The following HDGFL2 variants were observed in gnomAD, a reference collection of about 807,000 sequenced individuals.
The protein encoded by HDGFL2 is HDGF like 2.
In HDGFL2, 36 loss-of-function variants were observed where a neutral mutation model predicts 77.1. The observed-to-expected ratio is 0.47, with a 90% confidence interval of 0.36 to 0.62. The LOEUF is 0.62. Among genes scored for constraint, HDGFL2 ranks in the 20% least tolerant of loss-of-function variants. The pLI is 0.00. For missense variants in HDGFL2, 976 were observed against 973.4 expected (o/e 1.00, Z -0.04); for synonymous variants, 463 against 413.1 (o/e 1.12, Z -1.46).
chr19:4,493,707 C>T lies in HDGFL2; in HGVS notation c.683C>T (p.Ala228Val), dbSNP rs762888839. 1.4e-6 allele frequency: 2 copies of T among 1,464,458 alleles called. No homozygotes were observed. The highest frequency in any genetic ancestry group is 1.8e-6 in the Non-Finnish European group (2 of 1,102,234). 90.7% of individuals were successfully genotyped at this position (1,464,458 alleles called of 1,614,324 possible). Residue 228 changes from alanine (A) to valine (V), a missense_variant, in exon 7 of 16, where the codon GCG becomes GTG. Coordinates refer to ENST00000616600, the MANE Select transcript of HDGFL2 (RefSeq NM_001001520.3). The part of the protein sequence containing the change: ...GPLGGRKKKK[A>V]PSASDSDSKA... Reference sequence around the variant, plus strand: ...CCTGTCCCTGCTTCTCCCCAGAAGGCGCCATCAGCCTCCGACTCCGACTCC... The same window carrying T: ...CCTGTCCCTGCTTCTCCCCAGAAGGTGCCATCAGCCTCCGACTCCGACTCC...
intron 3 of HDGFL2, among the ~76,000 whole-genome samples, chr19:4,482,132 G>A (rs984392782): frequency 3.8e-5 from 5 of 130,814 alleles, no homozygotes; most frequent in East Asian, 2.4e-4. Flanking sequence ...TCCCAGGTTC[G>A]CGCCATTCTC....
intron 9 of HDGFL2, among the ~76,000 whole-genome samples, chr19:4,494,715 G>A (rs1364146320): frequency 6.6e-6 from 1 of 151,998 alleles, no homozygotes; most frequent in Non-Finnish European, 1.5e-5. Context: ...AGTCCAGCTC[G>A]AGACCAGCCT....
rs775816519 is a variant in HDGFL2, at chr19:4,493,983, G to T, written c.840G>T (p.Ala280=). The T allele has an allele frequency of 3.1e-6, 5 of 1,607,386 alleles. No homozygotes were observed. The Admixed American group carries it at 8.4e-5, about 27-fold the overall frequency. ...CACCCCCTCCTCCTCTTCCTGTAGC[G>T]GAGAAGCCTCTCCCGAAGCCGCGAG... ...VKKPPRGRKP[A]EKPLPKPRGR... The change falls in exon 8 of 16, where the codon GCG becomes GCT. Residue 280 remains alanine, a splice_region_variant and synonymous_variant. Coordinates refer to ENST00000616600, the MANE Select transcript of HDGFL2 (RefSeq NM_001001520.3).
intron 1 of HDGFL2, among the ~76,000 whole-genome samples, chr19:4,473,724 C>G (rs564004440): frequency 1.3e-5 from 2 of 150,998 alleles, no homozygotes; most frequent in African/African-American, 4.9e-5. Context: ...GCTCTGTTCA[C>G]GGGGTCACTG....
rs748057837 is a variant in HDGFL2 at position 4,472,354 on chromosome 19, C to T, written c.4C>T (p.Pro2Ser). Residue 2 changes from proline (P) to serine (S), a missense_variant, in exon 1 of 16, where the codon CCA becomes TCA. Pro to Ser is a moderately conservative substitution (Grantham distance 74). Transcript: ENST00000616600. M[P>S]HAFKPGDLVF... ...GCCTGGGCCTCTCGCCGTCAGCATG[C>T]CACACGCCTTCAAGCCCGGGGACTT... is the stretch of plus-strand genomic sequence containing the variant. 2.6e-6 allele frequency: 4 copies of T among 1,529,008 alleles called. No homozygotes were observed. Among genetic ancestry groups the T allele is most frequent in the South Asian group, 1.2e-5 (1 of 81,204 alleles). The allele number at this position is 1,529,008 out of a possible 1,614,324, so 94.7% of individuals were successfully genotyped here. A position where few individuals can be genotyped will look rare whatever the true frequency, so the allele number is the denominator to read the frequency against.
rs1975648921 is a variant in HDGFL2 at position 4,494,483 on chromosome 19, G to A, written c.1224+8G>A. On this transcript the variant is annotated splice_region_variant and intron_variant, in intron 9 of 15. Transcript: ENST00000616600. ...GCCGAGCTGGAGAGAGAGGTGAGCC[G>A]GGAGGGCGCCGGGAGTCCCTGCCTT... The A allele has an allele frequency of 2.2e-6, 3 of 1,375,856 alleles. No homozygotes were observed. Among genetic ancestry groups the A allele is most frequent in the Non-Finnish European group, 1.9e-6 (2 of 1,068,650 alleles). The allele number at this position is 1,375,856 out of a possible 1,614,324, so 85.2% of individuals were successfully genotyped here. A position where few individuals can be genotyped will look rare whatever the true frequency, so the allele number is the denominator to read the frequency against.
chr19:4,500,278 CT>C (rs957604290), intron 14 of HDGFL2, among the ~76,000 whole-genome samples: 3 of 152,010 alleles, frequency 2.0e-5, no homozygotes, highest in African/African-American at 7.2e-5. Context: ...AGGCTAGTGT[CT>C]TTTTTTTCTT....
chr19:4,472,949 C>T (rs996813003), intron 1 of HDGFL2, among the ~76,000 whole-genome samples: 2 of 148,644 alleles, frequency 1.3e-5, no homozygotes, highest in Non-Finnish European at 3.0e-5. Flanking sequence ...CTGAGGGTGT[C>T]TGCGGCCTGA....
intron 7 of HDGFL2, 21 bp from the exon 8 acceptor site, chr19:4,493,961 C>A: frequency 6.3e-7 from 1 of 1,599,920 alleles, no homozygotes. Context: ...GGAAGGTCAC[C>A]CCCTCCTCCT....
Position 4,498,431 on chromosome 19 carries a change from G to C in HDGFL2, c.1473+55G>C, listed in dbSNP as rs1002387528. On this transcript the variant is annotated intron_variant, in intron 12 of 15. Transcript: ENST00000616600. ...AGTCCCCGCTGCCACCTCCCTGCCA[G>C]GCTCCCTTAGATGTCTCGGGAAACT... 2.1e-6 allele frequency: 3 copies of C among 1,403,760 alleles called. No individual in the cohort carries two copies. In the South Asian group the frequency reaches 3.5e-5, roughly 16 times the overall value. The allele number at this position is 1,403,760 out of a possible 1,614,324, so 87.0% of individuals were successfully genotyped here.
intron 4 of HDGFL2, among the ~76,000 whole-genome samples, chr19:4,490,110 C>T (rs868806647): frequency 3.9e-5 from 6 of 152,138 alleles, no homozygotes; most frequent in Non-Finnish European, 5.9e-5. Context: ...TATTTTGAGA[C>T]GGACTCTAGT....
At chr19:4,473,814 G>C (rs1975004380) in intron 1 of HDGFL2, among the ~76,000 whole-genome samples, 1 of 152,012 alleles carries the variant, frequency 6.6e-6, no homozygotes, top group African/African-American at 2.4e-5. Context: ...CCTGTGGGGA[G>C]GAGGATGTAG....
chr19:4,488,053 C>T (rs1343526916), intron 3 of HDGFL2, among the ~76,000 whole-genome samples: 4 of 152,184 alleles, frequency 2.6e-5, no homozygotes, highest in South Asian at 2.1e-4. Context: ...TCACTGCAAC[C>T]TCCACCTCGT....
At chr19:4,485,392 T>G (rs1975334075) in intron 3 of HDGFL2, among the ~76,000 whole-genome samples, 1 of 152,144 alleles carries the variant, frequency 6.6e-6, no homozygotes, top group Admixed American at 6.6e-5. Flanking sequence ...ATACCACGTT[T>G]GTTTATCAGT....
intron 12 of HDGFL2, 46 bp downstream of exon 12, chr19:4,498,422 T>C: frequency 6.9e-7 from 1 of 1,454,872 alleles, no homozygotes; most frequent in Non-Finnish European, 9.6e-7. Flanking sequence ...CGCTGCCACC[T>C]CCCTGCCAGG....
rs1347227651 is a variant in HDGFL2, at chr19:4,475,298, C to T, written c.96C>T (p.Ala32=). Residue 32 remains alanine (A), a synonymous_variant, in exon 2 of 16, where the codon GCC becomes GCT. Transcript: ENST00000616600. ...AGATCGACGACATCGCGGATGGCGCCGTGAAGCCCCCACCCAACAAGTACC... is the reference window on the plus strand; with the variant it reads ...AGATCGACGACATCGCGGATGGCGCTGTGAAGCCCCCACCCAACAAGTACC... ...PARIDDIADG[A]VKPPPNKYPI... 8.7e-6 allele frequency: 14 copies of T among 1,614,042 alleles called. No homozygotes were observed. Among genetic ancestry groups the T allele is most frequent in the Admixed American group, 1.7e-5 (1 of 59,992 alleles).
At chr19:4,486,487 T>C (rs1212813926) in intron 3 of HDGFL2, 1 of 149,120 alleles carries the variant, frequency 6.7e-6, no homozygotes, top group African/African-American at 2.5e-5. Context: ...ATCATGCCAT[T>C]GCACTCCAGC....
At chr19:4,475,219 C>G in intron 1 of HDGFL2, 56 bp from the exon 2 acceptor site, 1 of 1,502,396 alleles carries the variant, frequency 6.7e-7, no homozygotes. Context: ...GCTGATTTCT[C>G]GGTGATTTCC....
chr19:4,500,808 T>C (rs1975850824), intron 14 of HDGFL2, among the ~76,000 whole-genome samples: 1 of 152,084 alleles, frequency 6.6e-6, no homozygotes, highest in Admixed American at 6.6e-5. Flanking sequence ...GTTGCTGGCA[T>C]GTTACTCAGG....
Sources: gnomAD v4.1 joint callset for allele counts (sites outside exome capture counted in the v4.1 genomes callset) on GRCh38, gnomAD v4.1.1 for gene constraint, MANE v1.5 for transcripts, NCBI Gene and HGNC (gene_info 2026-07-23, HGNC 2026-07-21) for gene names.